Variants in XXYLT1 observed in about 807,000 individuals in gnomAD.
The protein encoded by XXYLT1 is xyloside xylosyltransferase 1, also known as UDP-xylose:alpha-xyloside alpha-1,3-xylosyltransferase.
Under a neutral mutation model 28.9 loss-of-function variants are expected in XXYLT1, and 20 were observed. The observed-to-expected ratio is 0.69, with a 90% CI of 0.49 to 1.00. The LOEUF is 1.00. Among genes scored for constraint, XXYLT1 ranks in the 50% least tolerant of loss-of-function variants. XXYLT1 has a pLI of 0.00. For synonymous variants in XXYLT1, 257 were observed against 253.8 expected (o/e 1.01, Z -0.12); for missense variants, 542 against 560.1 (o/e 0.97, Z 0.33).
intron 1 of XXYLT1, among the ~76,000 whole-genome samples, chr3:195,259,418 C>T (rs76960093): frequency 0.013 from 2,016 of 152,320 alleles, 29 homozygotes; most frequent in African/African-American, 0.041. Flanking sequence ...TTCCACAACC[C>T]ACACGACGGT....
intron 3 of XXYLT1, among the ~76,000 whole-genome samples, chr3:195,112,824 G>A (rs1328725719): frequency 7.1e-6 from 1 of 140,672 alleles, no homozygotes; most frequent in Non-Finnish European, 1.5e-5. Context: ...AACAGCTGAA[G>A]CAGCGCACAC....
At chr3:195,161,510 C>T (rs1720868491) in intron 2 of XXYLT1, among the ~76,000 whole-genome samples, 1 of 152,054 alleles carries the variant, frequency 6.6e-6, no homozygotes, top group African/African-American at 2.4e-5. Flanking sequence ...CCCCAAGAAG[C>T]ATGAAGACTA....
chr3:195,155,155 G>A (rs1363698593), intron 3 of XXYLT1, among the ~76,000 whole-genome samples: 3 of 152,212 alleles, frequency 2.0e-5, no homozygotes, highest in Admixed American at 2.0e-4. Context: ...TAGGGGCCTT[G>A]CAGGAATTTC....
intron 3 of XXYLT1, among the ~76,000 whole-genome samples, chr3:195,084,064 C>A (rs902001166): frequency 4.1e-4 from 62 of 152,276 alleles, no homozygotes; most frequent in African/African-American, 1.4e-3. Context: ...GTCACACATT[C>A]TGCCTTTTGC....
chr3:195,118,330 G>A (rs1003645932), intron 3 of XXYLT1, among the ~76,000 whole-genome samples: 6 of 152,238 alleles, frequency 3.9e-5, no homozygotes, highest in Non-Finnish European at 7.3e-5. Flanking sequence ...TGGGGAGGAA[G>A]GCAGTTCCAA....
intron 3 of XXYLT1, among the ~76,000 whole-genome samples, chr3:195,119,287 C>CAAAAAAAAA (rs11328657): frequency 9.1e-6 from 1 of 109,560 alleles, no homozygotes; most frequent in Non-Finnish European, 1.9e-5. Context: ...CCATCTCAAA[C>CAAAAAAAAA]AAAAAAAAAA....
intron 2 of XXYLT1, among the ~76,000 whole-genome samples, chr3:195,174,562 T>C (rs1264929947): frequency 6.6e-6 from 1 of 152,088 alleles, no homozygotes; most frequent in African/African-American, 2.4e-5. Context: ...GGTCCTGAAC[T>C]CCTGGGCTCA....
At position 195,270,619 on chromosome 3, in the gene XXYLT1, C is replaced by T. The variant is rs1224590048; in HGVS notation, c.440G>A (p.Ser147Asn). The change falls in exon 1 of 4, where the codon AGC (serine) becomes AAC (asparagine). Residue 147 changes from serine (S) to asparagine (N), a missense_variant. Physicochemically the swap from Ser to Asn is conservative, Grantham distance 46. Transcript: ENST00000310380. ...CAGCAGGCCCTTGGCCACCTCGCGGCTGGCCTCCTCGCTCACGAAGTGAAG... is the reference window on the plus strand; with the variant it reads ...CAGCAGGCCCTTGGCCACCTCGCGGTTGGCCTCCTCGCTCACGAAGTGAAG... ...LNLHFVSEEA[S>N]REVAKGLLRE... The T allele has an allele frequency of 1.3e-6, 2 of 1,515,308 alleles. No individual in the cohort carries two copies. Among genetic ancestry groups the T allele is most frequent in the African/African-American group, 1.4e-5 (1 of 69,988 alleles). The allele number at this position is 1,515,308 out of a possible 1,614,324, so 93.9% of individuals were successfully genotyped here.
rs537991214 is a variant in XXYLT1, at chr3:195,078,132, G to A, written c.786-8021C>T. Among the ~76,000 whole-genome samples, 42 of 152,230 alleles carry A rather than the reference G, an allele frequency of 2.8e-4. No homozygotes were observed. Among genetic ancestry groups the A allele is most frequent in the African/African-American group, 9.9e-4 (41 of 41,542 alleles). On this transcript the variant is annotated intron_variant, in intron 3 of 3. Transcript: ENST00000310380. The surrounding 1 kb of genome is among the most constrained non-coding windows in gnomAD (Gnocchi z 5.0). ...GAGCTGGGAGGAGTGGGTGTGGGGC[G>A]GAGGAAAAGGGAATTCCATGTTGAG...
chr3:195,224,337 TG>T (rs1463047329), intron 2 of XXYLT1, among the ~76,000 whole-genome samples: 7 of 152,220 alleles, frequency 4.6e-5, no homozygotes, highest in African/African-American at 1.7e-4. Context: ...GTCCATTTAC[TG>T]CATCGACTGC....
rs1724725674 is a variant in XXYLT1, at chr3:195,240,435, G to A, written c.505-13579C>T. Among the ~76,000 whole-genome samples, 1 of 152,248 alleles carries A rather than the reference G, an allele frequency of 6.6e-6. No homozygotes were observed. Among genetic ancestry groups the A allele is most frequent in the Non-Finnish European group, 1.5e-5 (1 of 68,042 alleles). Reference sequence around the variant, plus strand: ...AACACTCCCTGGGGACATAAACTCAGGCCAAGCCTTTAGCTCCATTTGGTG... The same window carrying A: ...AACACTCCCTGGGGACATAAACTCAAGCCAAGCCTTTAGCTCCATTTGGTG... On this transcript the variant is annotated intron_variant, in intron 1 of 3. Coordinates refer to ENST00000310380, the MANE Select transcript of XXYLT1 (RefSeq NM_152531.5). This position sits in a 1 kb window ranked among gnomAD's most constrained non-coding sequence, Gnocchi z 4.7.
rs116247497 is a variant in XXYLT1, at chr3:195,223,782, C to A, written c.652+2927G>T. 3.3e-3 allele frequency among the ~76,000 whole-genome samples: 505 copies of A among 152,242 alleles called. 3 individuals are homozygous for A. The highest frequency in any genetic ancestry group is 0.011 in the African/African-American group (474 of 41,548). On this transcript the variant is annotated intron_variant, in intron 2 of 3. Coordinates refer to ENST00000310380, the MANE Select transcript of XXYLT1 (RefSeq NM_152531.5). ...CAGACGCCACAGGAAACTCAAGGAC[C>A]GCTCATTTTATTTTATGACTATCAA...
chr3:195,161,153 A>C (rs1720851269), intron 2 of XXYLT1, among the ~76,000 whole-genome samples: 1 of 152,026 alleles, frequency 6.6e-6, no homozygotes, highest in African/African-American at 2.4e-5. Context: ...TCAGCCCATG[A>C]ACCTCCATCA....
intron 1 of XXYLT1, among the ~76,000 whole-genome samples, chr3:195,264,002 G>A (rs1399215228): frequency 6.6e-6 from 1 of 152,158 alleles, no homozygotes; most frequent in Non-Finnish European, 1.5e-5. Flanking sequence ...ACTCCGGCCT[G>A]TTGCTCCCTG....
In XXYLT1 at chr3:195,129,339, A is replaced by T. The variant is rs1718788888; in HGVS notation, c.785+27110T>A. 6.6e-6 allele frequency among the ~76,000 whole-genome samples: 1 copy of T among 152,218 alleles called. No homozygotes were observed. Among genetic ancestry groups the T allele is most frequent in the Non-Finnish European group, 1.5e-5 (1 of 68,038 alleles). ...ATGCTCACAGAGTTGTGTAACTATG[A>T]CACAATTTTAGAATATTTTCATCAC... is the stretch of plus-strand genomic sequence containing the variant. On this transcript the variant is annotated intron_variant, in intron 3 of 3. Coordinates refer to ENST00000310380, the MANE Select transcript of XXYLT1 (RefSeq NM_152531.5). The surrounding 1 kb of genome is among the most constrained non-coding windows in gnomAD (Gnocchi z 4.4).
chr3:195,152,963 AC>A (rs1482621503), intron 3 of XXYLT1, among the ~76,000 whole-genome samples: 1 of 152,046 alleles, frequency 6.6e-6, no homozygotes, highest in African/African-American at 2.4e-5. Context: ...CTCTGGGGAG[AC>A]CCCTTGGTGG....
Position 195,133,423 on chromosome 3 carries a change from A to C in XXYLT1, c.785+23026T>G, listed in dbSNP as rs1001954301. 6.6e-6 allele frequency among the ~76,000 whole-genome samples: 1 copy of C among 152,182 alleles called. No homozygotes were observed. Among genetic ancestry groups the C allele is most frequent in the Non-Finnish European group, 1.5e-5 (1 of 68,032 alleles). ...CACTGGAGAATTCAATAGGTGTCCA[A>C]GAGTTTCTGGAAGTTCTACAGGCAA... is the stretch of plus-strand genomic sequence containing the variant. On this transcript the variant is annotated intron_variant, in intron 3 of 3. Coordinates refer to ENST00000310380, the MANE Select transcript of XXYLT1 (RefSeq NM_152531.5). The surrounding 1 kb of genome is among the most constrained non-coding windows in gnomAD (Gnocchi z 4.4).
chr3:195,252,149 T>C lies in XXYLT1; in HGVS notation c.504+18406A>G, dbSNP rs560384228. 2.6e-5 allele frequency among the ~76,000 whole-genome samples: 4 copies of C among 152,332 alleles called. No individual in the cohort carries two copies. In the South Asian group the frequency reaches 8.3e-4, roughly 32 times the overall value. On this transcript the variant is annotated intron_variant, in intron 1 of 3. Coordinates refer to ENST00000310380, the MANE Select transcript of XXYLT1 (RefSeq NM_152531.5). ...TATATGAGACTGTTTACATAACTGC[T>C]GAAAACATACAAAGCAGTAATACAT...
chr3:195,212,997 A>C (rs1421336775), intron 2 of XXYLT1, among the ~76,000 whole-genome samples: 1 of 152,184 alleles, frequency 6.6e-6, no homozygotes, highest in Non-Finnish European at 1.5e-5. Context: ...CCCCACCACA[A>C]TTCATGATCC....
Sources: gnomAD v4.1 joint callset for allele counts (sites outside exome capture counted in the v4.1 genomes callset) on GRCh38, gnomAD v4.1.1 for gene constraint, Gnocchi (gnomAD v3.1) non-coding constraint, MANE v1.5 for transcripts, NCBI Gene and HGNC (gene_info 2026-07-23, HGNC 2026-07-21) for gene names.